CTBP2: variants seen among roughly 807,000 people sequenced by gnomAD.
The protein encoded by CTBP2 is C-terminal-binding protein 2.
A neutral mutation model predicts 80.3 loss-of-function variants in CTBP2; 30 were observed. That is an observed-to-expected ratio of 0.37 (90% CI 0.28 to 0.51). The LOEUF is 0.51. Ranked by LOEUF, CTBP2 falls within the 20% of genes least tolerant of loss-of-function variation. The probability of loss-of-function intolerance (pLI) is 0.93; values close to 1 mark genes in which losing one functional copy is unlikely to be tolerated. For synonymous variants in CTBP2, 594 were observed against 587.4 expected (o/e 1.01, Z -0.16); for missense variants, 1,212 against 1,375.3 (o/e 0.88, Z 1.88).
chr10:125,092,810 G>A (rs780373960), intron 2 of CTBP2, among the ~76,000 whole-genome samples: 12 of 151,784 alleles, frequency 7.9e-5, no homozygotes, highest in Non-Finnish European at 1.6e-4. Context: ...TAGGAGCAAC[G>A]ACTTCTACAA....
chr10:125,134,709 C>G (rs894441618), intron 1 of CTBP2, among the ~76,000 whole-genome samples: 2 of 152,132 alleles, frequency 1.3e-5, no homozygotes, highest in East Asian at 3.9e-4. Flanking sequence ...GAGGGTGAAG[C>G]GCCCAGCACC....
chr10:125,058,715 C>T (rs923971581), intron 2 of CTBP2, among the ~76,000 whole-genome samples: 10 of 151,966 alleles, frequency 6.6e-5, no homozygotes, highest in Non-Finnish European at 1.2e-4. Flanking sequence ...GCCAACATGA[C>T]GAAACCCGTC....
intron 2 of CTBP2, among the ~76,000 whole-genome samples, chr10:125,054,600 T>G (rs1963472976): frequency 6.6e-6 from 1 of 152,256 alleles, no homozygotes. Flanking sequence ...AAAGTTTTGT[T>G]GTTTTAAGCC....
rs993144702 is a variant in CTBP2, at chr10:124,984,508, T to C, written c.*5010A>G. On this transcript the variant is annotated 3_prime_UTR_variant, in exon 9 of 9. Coordinates refer to ENST00000309035, the MANE Select transcript of CTBP2 (RefSeq NM_022802.3). ...CAGGATCAGTTTATTAGGACATTTG[T>C]TTTTTATTTTATCTAACAAATTACC... 3.6e-5 allele frequency: 15 copies of C among 413,846 alleles called. No individual in the cohort carries two copies. The highest frequency in any genetic ancestry group is 2.8e-4 in the African/African-American group (14 of 49,684). 25.6% of individuals were successfully genotyped at this position (413,846 alleles called of 1,614,324 possible). A position where few individuals can be genotyped will look rare whatever the true frequency, so the allele number is the denominator to read the frequency against.
chr10:124,988,268 T>C lies in CTBP2; in HGVS notation c.*1250A>G, dbSNP rs7099361. On this transcript the variant is annotated 3_prime_UTR_variant, in exon 9 of 9. Coordinates refer to ENST00000309035, the MANE Select transcript of CTBP2 (RefSeq NM_022802.3). ...GGAAATTGGCTAATTGACAATGCAA[T>C]TGCCTTAAACATCTCAAGTAGAGAA... 121,880 of 152,608 alleles carry C rather than the reference T, an allele frequency of 0.8. 49,826 individuals are homozygous for C. The highest frequency in any genetic ancestry group is 0.95 in the East Asian group (4,932 of 5,188). 9.5% of individuals were successfully genotyped at this position (152,608 alleles called of 1,614,324 possible).
intron 1 of CTBP2, among the ~76,000 whole-genome samples, chr10:125,151,063 G>A (rs1859758935): frequency 1.3e-5 from 2 of 152,058 alleles, no homozygotes; most frequent in African/African-American, 4.8e-5. Flanking sequence ...ATGGCCCAGC[G>A]AGCTAGTGCC....
At chr10:125,018,553 CAACAAACAAACA>C (rs59184976) in intron 1 of CTBP2, among the ~76,000 whole-genome samples, 26 of 99,570 alleles carry the variant, frequency 2.6e-4, no homozygotes, top group South Asian at 1.4e-3. Context: ...CCAAACCAAC[CAACAAACAAACA>C]AACAAACAAA....
In CTBP2 at chr10:124,992,808, G is replaced by A. The variant is rs1160531749; in HGVS notation, c.2664C>T (p.Arg888=). 1 of 1,608,254 alleles carries A rather than the reference G, an allele frequency of 6.2e-7. No individual in the cohort carries two copies. Among genetic ancestry groups the A allele is most frequent in the Non-Finnish European group, 8.5e-7 (1 of 1,175,608 alleles). ...CACAATTTCTTAAGCTTTCTGGGAT[G>A]CGACCTAGGGTAAGATGATTAAAAT... The change falls in exon 8 of 9, where the codon CGC becomes CGT. Residue 888 remains arginine, a synonymous_variant. Coordinates refer to ENST00000309035, the MANE Select transcript of CTBP2 (RefSeq NM_022802.3).
intron 3 of CTBP2, 144 bp downstream of exon 5, chr10:125,002,816 C>A: frequency 1.0e-6 from 1 of 978,008 alleles, no homozygotes; most frequent in Non-Finnish European, 1.5e-6. Context: ...AGGTGCTCCA[C>A]AGCCCGGCCT....
chr10:124,987,631 C>A lies in CTBP2; in HGVS notation c.*1887G>T, dbSNP rs1244398532. The A allele has an allele frequency of 6.6e-6, 1 of 152,098 alleles. No homozygotes were observed. The highest frequency in any genetic ancestry group is 1.5e-5 in the Non-Finnish European group (1 of 68,028). 9.4% of individuals were successfully genotyped at this position (152,098 alleles called of 1,614,324 possible). A position where few individuals can be genotyped will look rare whatever the true frequency, so the allele number is the denominator to read the frequency against. On this transcript the variant is annotated 3_prime_UTR_variant, in exon 9 of 9. Coordinates refer to ENST00000309035, the MANE Select transcript of CTBP2 (RefSeq NM_022802.3). ...GTAATAGGTCAGTAACTATGAGCGC[C>A]GTCTCTCTCCATGTGAGCTTGTGTT...
At chr10:125,028,607 G>T (rs750104920), upstream of CTBP2, among the ~76,000 whole-genome samples, 1 of 152,228 alleles carries the variant, frequency 6.6e-6, no homozygotes, top group Non-Finnish European at 1.5e-5. Flanking sequence ...TTATTACTGT[G>T]AAACACAGAT....
At chr10:125,129,360 T>C (rs538770651) in intron 1 of CTBP2, among the ~76,000 whole-genome samples, 3 of 152,138 alleles carry the variant, frequency 2.0e-5, no homozygotes, top group African/African-American at 7.2e-5. Context: ...CTTAAGGTCA[T>C]GCATTTCATT....
intron 2 of CTBP2, among the ~76,000 whole-genome samples, chr10:125,103,627 C>T (rs1202241036): frequency 6.6e-6 from 1 of 152,162 alleles, no homozygotes; most frequent in African/African-American, 2.4e-5. Flanking sequence ...GCTTCTGCGA[C>T]ATGCAGAAGA....
At chr10:124,991,735 A>C (rs111934452) in intron 8 of CTBP2, among the ~76,000 whole-genome samples, 1 of 152,142 alleles carries the variant, frequency 6.6e-6, no homozygotes, top group African/African-American at 2.4e-5. Context: ...GCCTCCTACG[A>C]GAGAATGAAG....
intron 8 of CTBP2, among the ~76,000 whole-genome samples, chr10:124,992,120 G>A (rs1952723971): frequency 6.6e-6 from 1 of 151,418 alleles, no homozygotes; most frequent in South Asian, 2.1e-4. Context: ...GCCTTCTGTG[G>A]ACATAAGATT....
intron 1 of CTBP2, among the ~76,000 whole-genome samples, chr10:125,139,023 T>C (rs1368931471): frequency 2.0e-5 from 3 of 152,156 alleles, no homozygotes; most frequent in Non-Finnish European, 4.4e-5. Context: ...ATTATGCATC[T>C]ACCAAATACA....
intron 7 of CTBP2, 124 bp from the exon 10 acceptor site, chr10:124,992,936 C>CA (rs1202026359): frequency 1.1e-6 from 1 of 898,600 alleles, no homozygotes; most frequent in East Asian, 2.6e-5. Flanking sequence ...TCCAAAGGCC[C>CA]AAGTGCTTGA....
In CTBP2 at chr10:125,040,458, A is replaced by T. The variant is rs1464848006; in HGVS notation, c.-101-1303T>A. Among the ~76,000 whole-genome samples the T allele has an allele frequency of 8.8e-5, 7 of 79,328 alleles. No individual in the cohort carries two copies. The East Asian group carries it at 1.7e-3, about 19-fold the overall frequency. The allele number at this position is 79,328 out of a possible 152,430, so 52.0% of individuals were successfully genotyped here. A position where few individuals can be genotyped will look rare whatever the true frequency, so the allele number is the denominator to read the frequency against. ...GACAGAGCAAGACTCTGTCTTTAAA[A>T]AAAAAAAAAAAAAAAAAAAGGTGGC... On this transcript the variant is annotated intron_variant, in intron 2 of 10. Transcript: ENST00000337195.
chr10:125,095,707 CT>C (rs1215399317), intron 2 of CTBP2, among the ~76,000 whole-genome samples: 1 of 152,212 alleles, frequency 6.6e-6, no homozygotes, highest in Non-Finnish European at 1.5e-5. Context: ...ATGTCCTGAC[CT>C]CAAAACTAGG....
Sources: allele counts gnomAD v4.1 joint callset (sites outside exome capture counted in the v4.1 genomes callset), GRCh38; gene constraint gnomAD v4.1.1; transcripts MANE v1.5; gene names NCBI Gene and HGNC (gene_info 2026-07-23, HGNC 2026-07-21).